The following MZT2A variants were observed in gnomAD, a reference collection of about 807,000 sequenced individuals.
MZT2A encodes the protein mitotic-spindle organizing protein 2A.
MZT2A carries 8 observed loss-of-function variants against 12.4 expected under a neutral mutation model. The ratio of observed to expected loss-of-function variants is 0.64; its 90% CI spans 0.38 to 1.16. MZT2A has a LOEUF of 1.16. Among genes scored for constraint, MZT2A ranks in the 50% most tolerant of loss-of-function variants. The pLI, the probability that MZT2A is intolerant of heterozygous loss-of-function variation, is 0.01. For missense variants in MZT2A, 181 were observed against 223.6 expected, an observed-to-expected ratio of 0.81 and a Z score of 1.22; for synonymous variants, 88 against 107.5, an observed-to-expected ratio of 0.82 and a Z score of 1.12.
At chr2:131,475,490 G>A (rs12468676) in intron 2 of MZT2A, among the ~76,000 whole-genome samples, 36,933 of 151,446 alleles carry the variant, frequency 0.24, 5,839 homozygotes, top group East Asian at 0.75. Flanking sequence ...CCACCAGCCA[G>A]GGTAATTTTT....
upstream of MZT2A, chr2:131,492,787 G>GC: frequency 1.5e-6 from 2 of 1,356,286 alleles, no homozygotes; most frequent in East Asian, 8.4e-5. Context: ...TCTTCGGGGG[G>GC]GGTGGGGGGC....
chr2:131,484,577 C>T (rs561776378), intron 2 of MZT2A, among the ~76,000 whole-genome samples: 9 of 138,406 alleles, frequency 6.5e-5, no homozygotes, highest in Admixed American at 2.3e-4. Flanking sequence ...CTGCCCTGAT[C>T]GTGCCATCAG....
downstream of MZT2A, among the ~76,000 whole-genome samples, chr2:131,483,519 T>A (rs1434215539): frequency 3.3e-5 from 5 of 151,936 alleles, no homozygotes; most frequent in African/African-American, 1.2e-4. Context: ...ATCGAGACCA[T>A]CCTAGCTAAC....
At chr2:131,476,106 G>A (rs1300306709) in intron 2 of MZT2A, 3 of 1,591,320 alleles carry the variant, frequency 1.9e-6, no homozygotes, top group Non-Finnish European at 2.6e-6. Context: ...CCCGTGCGGC[G>A]CGCACAGGCA....
chr2:131,492,189 C>A lies in MZT2A; in HGVS notation c.170+18G>T. The A allele has an allele frequency of 3.2e-6, 5 of 1,549,208 alleles. No homozygotes were observed. The highest frequency in any genetic ancestry group is 3.5e-6 in the Non-Finnish European group (4 of 1,150,822). Reference sequence around the variant, plus strand: ...GGGGGTGTCTGGCGAGCATGCGGCCCCCACCCGCCCCGCTCACTTGAACAC... The same window carrying A: ...GGGGGTGTCTGGCGAGCATGCGGCCACCACCCGCCCCGCTCACTTGAACAC... On this transcript the variant is annotated intron_variant, in intron 1 of 2. Transcript: ENST00000309451.
At chr2:131,475,377 G>T (rs1337845393) in intron 2 of MZT2A, among the ~76,000 whole-genome samples, 4 of 136,388 alleles carry the variant, frequency 2.9e-5, no homozygotes, top group African/African-American at 8.2e-5. Context: ...GCCCAGGCTG[G>T]AGTGTGCAGT....
Position 131,491,135 on chromosome 2 carries a change from CAGAG to C in MZT2A, c.319+737_319+740del, listed in dbSNP as rs537547115. ...TGGCCTGGGAGGTTGTGCTGCATTT[CAGAG>C]AGAGCCATCGGGAGCAGAAGCAACA... is the stretch of plus-strand genomic sequence containing the variant. On this transcript the variant is annotated intron_variant, in intron 2 of 2. Coordinates refer to ENST00000309451, the MANE Select transcript of MZT2A (RefSeq NM_001085365.2). 44 of 611,532 alleles carry C rather than the reference CAGAG, an allele frequency of 7.2e-5. 1 individual carries two copies. The highest frequency in any genetic ancestry group is 5.7e-4 in the African/African-American group (31 of 54,286). The allele number at this position is 611,532 out of a possible 1,614,324, so 37.9% of individuals were successfully genotyped here. A position where few individuals can be genotyped will look rare whatever the true frequency, so the allele number is the denominator to read the frequency against.
At chr2:131,483,306 T>C (rs1171654926), downstream of MZT2A, among the ~76,000 whole-genome samples, 1 of 151,966 alleles carries the variant, frequency 6.6e-6, no homozygotes, top group East Asian at 1.9e-4. Flanking sequence ...ATGTGTAAGG[T>C]CAGGACATTT....
chr2:131,488,308 C>T (rs775796511), intron 2 of MZT2A, among the ~76,000 whole-genome samples: 11 of 152,188 alleles, frequency 7.2e-5, no homozygotes, highest in Non-Finnish European at 1.2e-4. Context: ...AGACAAGCAT[C>T]GACCCTCTGT....
rs2622037 is a variant in MZT2A at position 131,492,153 on chromosome 2, G to C, written c.170+54C>G. The C allele has an allele frequency of 3.7e-5, 57 of 1,537,348 alleles. No homozygotes were observed. In the African/African-American group the frequency reaches 7.3e-4, roughly 20 times the overall value. Reference sequence around the variant, plus strand: ...GACCAGCGGGCCGGGCGTACCCGGAGAGCAGAGGTCGGGGGTGTCTGGCGA... The same window carrying C: ...GACCAGCGGGCCGGGCGTACCCGGACAGCAGAGGTCGGGGGTGTCTGGCGA... On this transcript the variant is annotated intron_variant, in intron 1 of 2. Coordinates refer to ENST00000309451, the MANE Select transcript of MZT2A (RefSeq NM_001085365.2).
intron 3 of MZT2A, chr2:131,471,987 T>G: frequency 8.2e-7 from 1 of 1,217,814 alleles, no homozygotes; most frequent in South Asian, 1.4e-5. Flanking sequence ...CAAGGAGGTC[T>G]TTAAACATCT....
chr2:131,486,270 AG>A (rs1309678170), intron 2 of MZT2A, among the ~76,000 whole-genome samples: 2 of 152,064 alleles, frequency 1.3e-5, no homozygotes, highest in Admixed American at 6.5e-5. Flanking sequence ...TGACTGGTCA[AG>A]GGGCAAGGAT....
chr2:131,486,358 A>T (rs1305910712), intron 2 of MZT2A: 2 of 162,342 alleles, frequency 1.2e-5, no homozygotes, highest in Non-Finnish European at 2.9e-5. Context: ...CTCTGAGGCC[A>T]CAGTCCCTCT....
At chr2:131,476,342 C>T in intron 2 of MZT2A, 1 of 1,443,794 alleles carries the variant, frequency 6.9e-7, no homozygotes, top group Non-Finnish European at 9.3e-7. Flanking sequence ...GACAGGAGGA[C>T]ACGGGATCGT....
chr2:131,469,801 T>TCCCCA (rs1704941258), intron 4 of MZT2A: 1 of 132,328 alleles, frequency 7.6e-6, no homozygotes, highest in Non-Finnish European at 1.5e-5. Flanking sequence ...AATAGCTTCC[T>TCCCCA]CCCCCCCTTT....
At chr2:131,481,927 G>A (rs539432555), downstream of MZT2A, among the ~76,000 whole-genome samples, 37 of 152,192 alleles carry the variant, frequency 2.4e-4, no homozygotes, top group Admixed American at 1.2e-3. Flanking sequence ...TGTGCACTGC[G>A]GCCAGGACCT....
At chr2:131,471,777 G>A (rs1281664110) in intron 3 of MZT2A, among the ~76,000 whole-genome samples, 1 of 151,822 alleles carries the variant, frequency 6.6e-6, no homozygotes, top group Non-Finnish European at 1.5e-5. Context: ...CTTACTCCGC[G>A]GGGTTGAACT....
At chr2:131,474,864 C>T (rs1473389043) in intron 2 of MZT2A, among the ~76,000 whole-genome samples, 1 of 152,066 alleles carries the variant, frequency 6.6e-6, no homozygotes, top group Non-Finnish European at 1.5e-5. Context: ...TTAGGAACTG[C>T]CTCTTCTTTT....
Position 131,476,225 on chromosome 2 carries a change from C to T in MZT2A, c.279-4043G>A. On this transcript the variant is annotated intron_variant and NMD_transcript_variant, in intron 2 of 4. Transcript: ENST00000427024. ...ATGGTAAGGCCCGGGTCACTCCCGC[C>T]CCGCAGATGCCCAGGCAGACGAAGT... The T allele has an allele frequency of 1.9e-6, 3 of 1,613,902 alleles. 1 individual carries two copies. The South Asian group carries it at 3.3e-5, about 18-fold the overall frequency.
Sources: allele counts gnomAD v4.1 joint callset (sites outside exome capture counted in the v4.1 genomes callset), GRCh38; gene constraint gnomAD v4.1.1; transcripts MANE v1.5; gene names NCBI Gene and HGNC (gene_info 2026-07-23, HGNC 2026-07-21).